The following COA8 variants were observed in gnomAD, a reference collection of about 807,000 sequenced individuals.
COA8 encodes cytochrome c oxidase assembly factor 8, also known as UPF0671 protein C14orf153.
A neutral mutation model predicts 22.0 loss-of-function variants in COA8; 20 were observed. The observed-to-expected ratio is 0.91, with a 90% CI of 0.64 to 1.32. The LOEUF (loss-of-function observed/expected upper bound fraction) is 1.32, where lower values mean the gene tolerates loss of function less well. Ranked by LOEUF, COA8 falls within the 40% of genes most tolerant of loss-of-function variation. The pLI is 0.00. For missense variants in COA8, 266 were observed against 230.0 expected, an observed-to-expected ratio of 1.16 and a Z score of -1.01; for synonymous variants, 105 against 79.9, an observed-to-expected ratio of 1.31 and a Z score of -1.68.
intron 3 of COA8, among the ~76,000 whole-genome samples, chr14:103,586,204 T>TTTTTTTTTC (rs2076305756): frequency 1.4e-5 from 2 of 139,864 alleles, no homozygotes; most frequent in Admixed American, 7.1e-5. Flanking sequence ...CCTGGCCTTT[T>TTTTTTTTTC]TTTTTTTTTT....
chr14:103,572,797 T>C (rs2076198691), intron 2 of COA8, among the ~76,000 whole-genome samples: 1 of 151,886 alleles, frequency 6.6e-6, no homozygotes, highest in African/African-American at 2.4e-5. Context: ...ATTTTTTTCT[T>C]TTTTGAGACG....
intron 1 of COA8, among the ~76,000 whole-genome samples, chr14:103,569,197 C>T (rs931285439): frequency 1.3e-5 from 2 of 152,286 alleles, no homozygotes; most frequent in East Asian, 1.9e-4. Flanking sequence ...GGTAATTATT[C>T]GCACTACAAA....
intron 1 of COA8, 33 bp downstream of exon 1, chr14:103,563,157 G>T: frequency 6.5e-7 from 1 of 1,539,164 alleles, no homozygotes; most frequent in East Asian, 2.4e-5. Context: ...TGGGCCGGGA[G>T]GGGTGACCGG....
chr14:103,563,318 C>T, intron 1 of COA8, 194 bp downstream of exon 1: 2 of 769,768 alleles, frequency 2.6e-6, no homozygotes, highest in Non-Finnish European at 4.5e-6. Flanking sequence ...ACTGAGGGTG[C>T]CGCCGCCACC....
At chr14:103,569,106 G>A (rs1032672397) in intron 1 of COA8, among the ~76,000 whole-genome samples, 9 of 152,138 alleles carry the variant, frequency 5.9e-5, no homozygotes, top group African/African-American at 7.2e-5. Flanking sequence ...CATGAGGGCC[G>A]GATGGAAGAG....
At position 103,563,130 on chromosome 14, in the gene COA8, C is replaced by T. The variant is rs2274266; in HGVS notation, c.123+6C>T. 257 of 1,539,884 alleles carry T rather than the reference C, an allele frequency of 1.7e-4. No individual in the cohort carries two copies. Among genetic ancestry groups the T allele is most frequent in the East Asian group, 8.9e-4 (37 of 41,454 alleles). On this transcript the variant is annotated splice_donor_region_variant and intron_variant, in intron 1 of 4. Transcript: ENST00000409074. ...GGGATACGGCGCCCAGCGGGGTAAG[C>T]AGGGGCCTGGGGACATTGGGCCGGG...
Position 103,566,334 on chromosome 14 carries a change from C to T in COA8, c.123+3210C>T, listed in dbSNP as rs551225374. On this transcript the variant is annotated intron_variant, in intron 1 of 4. Transcript: ENST00000409074. ...AGTTGGGAGGCTGAGGCGGGAGAAT[C>T]GCTTGAACCCAGGAGGCAGAGGTTG... Among the ~76,000 whole-genome samples the T allele has an allele frequency of 3.3e-5, 5 of 152,160 alleles. No individual in the cohort carries two copies. In the South Asian group the frequency reaches 6.2e-4, roughly 19 times the overall value.
intron 1 of COA8, chr14:103,563,456 T>A (rs928118958): frequency 4.4e-5 from 19 of 427,386 alleles, no homozygotes; most frequent in Middle Eastern, 5.8e-4. Flanking sequence ...TTACCGTGCG[T>A]TTTTTTTCGT....
chr14:103,571,532 G>A lies in COA8; in HGVS notation c.124-91G>A, dbSNP rs7149566. 5,798 of 1,312,508 alleles carry A rather than the reference G, an allele frequency of 4.4e-3. 185 individuals are homozygous for A. In the African/African-American group the frequency reaches 0.075, roughly 17 times the overall value. The allele number at this position is 1,312,508 out of a possible 1,614,324, so 81.3% of individuals were successfully genotyped here. On this transcript the variant is annotated intron_variant, in intron 1 of 4. Coordinates refer to ENST00000409074, the MANE Select transcript of COA8 (RefSeq NM_001370595.2). ...CAGTCTGGCAACAGAGCGAGACTCC[G>A]TCTCTAAGTAAATAAATAAATCCAG...
intron 1 of COA8, 55 bp downstream of exon 1, chr14:103,563,179 A>G: frequency 6.6e-7 from 1 of 1,503,958 alleles, no homozygotes; most frequent in Non-Finnish European, 8.9e-7. Flanking sequence ...AGGGAAGACA[A>G]ACCCGGGCCT....
intron 4 of COA8, 119 bp from the exon 5 acceptor site, chr14:103,590,062 C>A: frequency 1.3e-6 from 1 of 785,398 alleles, no homozygotes; most frequent in Non-Finnish European, 2.1e-6. Flanking sequence ...AGGGAAAGGG[C>A]AAAGCAGTTG....
At chr14:103,577,315 A>T (rs1010019773) in intron 3 of COA8, among the ~76,000 whole-genome samples, 2 of 151,948 alleles carry the variant, frequency 1.3e-5, no homozygotes, top group Non-Finnish European at 2.9e-5. Flanking sequence ...ACCTCAAGTG[A>T]TCTTCTCATC....
chr14:103,563,273 C>T (rs2076105426), intron 1 of COA8, 149 bp downstream of exon 1: 2 of 1,082,086 alleles, frequency 1.8e-6, no homozygotes, highest in Non-Finnish European at 2.7e-6. Context: ...CCCGCAGCCC[C>T]GAGGCTCCCG....
chr14:103,564,769 A>G (rs1437661403), intron 1 of COA8, among the ~76,000 whole-genome samples: 2 of 151,772 alleles, frequency 1.3e-5, no homozygotes, highest in Admixed American at 6.6e-5. Flanking sequence ...TTTAGTAGAG[A>G]CAGGGTTTCA....
chr14:103,580,395 G>A (rs1345901117), intron 3 of COA8, among the ~76,000 whole-genome samples: 2 of 151,236 alleles, frequency 1.3e-5, no homozygotes, highest in African/African-American at 4.9e-5. Context: ...TGCAGCTTCC[G>A]CCTCTGGGTT....
At chr14:103,574,210 C>T (rs377184826) in intron 3 of COA8, 40 bp downstream of exon 3, 72 of 1,583,976 alleles carry the variant, frequency 4.5e-5, no homozygotes, top group East Asian at 2.8e-4. Context: ...GCTTTCTTTG[C>T]GTTTGAGCTA....
intron 3 of COA8, among the ~76,000 whole-genome samples, chr14:103,587,024 A>G (rs942147891): frequency 6.6e-6 from 1 of 152,118 alleles, no homozygotes; most frequent in Non-Finnish European, 1.5e-5. Context: ...TTTTCAGTGT[A>G]CACATCTTAC....
chr14:103,574,740 A>G (rs1295548590), intron 3 of COA8: 2 of 273,330 alleles, frequency 7.3e-6, no homozygotes, highest in African/African-American at 4.6e-5. Flanking sequence ...CCATGCCAGG[A>G]CCTCTGTTGC....
In COA8 at chr14:103,571,863, C is replaced by T. The variant is rs374324112; in HGVS notation, c.321+43C>T. On this transcript the variant is annotated intron_variant, in intron 2 of 4. Transcript: ENST00000409074. ...ATCAGAACGGAAGGGTGCGGTGGCT[C>T]ACGCCTGTAATCCCAGCACTTCGGG... 1.6e-5 allele frequency: 25 copies of T among 1,559,346 alleles called. No homozygotes were observed. In the African/African-American group the frequency reaches 2.3e-4, roughly 14 times the overall value.
Sources: allele counts gnomAD v4.1 joint callset (sites outside exome capture counted in the v4.1 genomes callset), GRCh38; gene constraint gnomAD v4.1.1; transcripts MANE v1.5; gene names NCBI Gene and HGNC (gene_info 2026-07-23, HGNC 2026-07-21).